KLF7: variants seen among roughly 807,000 people sequenced by gnomAD.
The protein encoded by KLF7 is Krueppel-like factor 7.
Under a neutral mutation model 27.3 loss-of-function variants are expected in KLF7, and 2 were observed. The ratio of observed to expected loss-of-function variants is 0.07; its 90% CI spans 0.03 to 0.23. The LOEUF (loss-of-function observed/expected upper bound fraction) is 0.23, where lower values mean the gene tolerates loss of function less well. KLF7 is among the 10% of genes least tolerant of loss of function. The pLI is 1.00. For missense variants in KLF7, 221 were observed against 394.1 expected (o/e 0.56, Z 3.72); for synonymous variants, 165 against 162.4 (o/e 1.02, Z -0.12).
chr2:207,120,102 A>G (rs1033481577), intron 2 of KLF7, among the ~76,000 whole-genome samples: 8 of 151,890 alleles, frequency 5.3e-5, no homozygotes, highest in Non-Finnish European at 1.2e-4. Flanking sequence ...CAGTACCCCC[A>G]TCTCTAACTT....
chr2:207,092,426 C>T (rs1342261602), intron 2 of KLF7, among the ~76,000 whole-genome samples: 1 of 152,192 alleles, frequency 6.6e-6, no homozygotes, highest in African/African-American at 2.4e-5. Context: ...TATCAAGAAC[C>T]ACTTTCTCTG....
intron 1 of KLF7, among the ~76,000 whole-genome samples, chr2:207,138,246 G>A (rs73983192): frequency 0.036 from 5,485 of 152,246 alleles, 326 homozygotes; most frequent in African/African-American, 0.12. Flanking sequence ...AGCAGCATAA[G>A]GGGGAAAATC....
intron 1 of KLF7, among the ~76,000 whole-genome samples, chr2:207,148,743 A>G (rs376273878): frequency 3.8e-4 from 58 of 152,306 alleles, no homozygotes; most frequent in African/African-American, 1.3e-3. Context: ...GATAGGGTCT[A>G]TACTTTCTAT....
At chr2:207,166,841 G>A (rs1359942769), upstream of KLF7, 3 of 1,037,848 alleles carry the variant, frequency 2.9e-6, no homozygotes, top group Non-Finnish European at 2.3e-6. Context: ...CGCCTGAGGA[G>A]GAAGTGCCAC....
intron 1 of KLF7, chr2:207,148,916 C>G (rs890291553): frequency 1.4e-6 from 1 of 735,526 alleles, no homozygotes; most frequent in African/African-American, 1.9e-5. Context: ...CACCCCTCCA[C>G]CCTCACCTGA....
At chr2:207,090,580 G>C (rs1310256068) in intron 2 of KLF7, among the ~76,000 whole-genome samples, 5 of 152,168 alleles carry the variant, frequency 3.3e-5, no homozygotes, top group Non-Finnish European at 7.3e-5. Context: ...AGGTTACTAG[G>C]AAGACAGGCC....
chr2:207,155,298 AG>A (rs200794055), intron 1 of KLF7, among the ~76,000 whole-genome samples: 4,523 of 152,342 alleles, frequency 0.03, 98 homozygotes, highest in Middle Eastern at 0.051. Context: ...TTTTTATGAC[AG>A]GAAGATTAGC....
chr2:207,130,031 T>C (rs1322107347), intron 1 of KLF7, among the ~76,000 whole-genome samples: 1 of 152,196 alleles, frequency 6.6e-6, no homozygotes, highest in African/African-American at 2.4e-5. Context: ...ATGGCTTCTG[T>C]TTAACCTGTC....
intron 1 of KLF7, among the ~76,000 whole-genome samples, chr2:207,163,883 T>TGAGA (rs1453864809): frequency 6.6e-6 from 1 of 152,208 alleles, no homozygotes; most frequent in East Asian, 1.9e-4. Flanking sequence ...AAAGATCCAG[T>TGAGA]GAGACCCTTC....
intron 1 of KLF7, among the ~76,000 whole-genome samples, chr2:207,163,915 G>A (rs1234115762): frequency 6.6e-6 from 1 of 152,226 alleles, no homozygotes; most frequent in Non-Finnish European, 1.5e-5. Flanking sequence ...TCTCGTTAAG[G>A]ATAAGGAAAA....
At position 207,165,765 on chromosome 2, in the gene KLF7, G is replaced by C; in HGVS notation, c.-197C>G. 2 of 1,434,894 alleles carry C rather than the reference G, an allele frequency of 1.4e-6. No homozygotes were observed. Among genetic ancestry groups the C allele is most frequent in the Admixed American group, 2.8e-5 (1 of 35,790 alleles). 88.9% of individuals were successfully genotyped at this position (1,434,894 alleles called of 1,614,324 possible). On this transcript the variant is annotated 5_prime_UTR_variant, in exon 1 of 4. Coordinates refer to ENST00000309446, the MANE Select transcript of KLF7 (RefSeq NM_003709.4). ...GGGAGAGAGGAGGTGAGAGAGGAGCGAGTGAGTGGGGTGGATGGAGAGAGG... is the reference window on the plus strand; with the variant it reads ...GGGAGAGAGGAGGTGAGAGAGGAGCCAGTGAGTGGGGTGGATGGAGAGAGG...
intron 2 of KLF7, among the ~76,000 whole-genome samples, chr2:207,107,694 A>T (rs970059980): frequency 2.0e-5 from 3 of 152,152 alleles, no homozygotes; most frequent in African/African-American, 7.2e-5. Context: ...CTCGTCACAG[A>T]CCGCTATCTG....
chr2:207,131,779 T>A (rs369872305), intron 1 of KLF7, among the ~76,000 whole-genome samples: 33 of 152,170 alleles, frequency 2.2e-4, no homozygotes, highest in African/African-American at 6.5e-4. Context: ...GTGGGAAGCA[T>A]GGCCAGGGAG....
At chr2:207,150,079 C>T (rs2078200806) in intron 1 of KLF7, among the ~76,000 whole-genome samples, 5 of 152,210 alleles carry the variant, frequency 3.3e-5, no homozygotes, top group Admixed American at 3.3e-4. Context: ...TCCTTCATCC[C>T]TGAATACCAC....
intron 2 of KLF7, among the ~76,000 whole-genome samples, chr2:207,108,421 T>C (rs1383311145): frequency 6.6e-6 from 1 of 152,200 alleles, no homozygotes; most frequent in Non-Finnish European, 1.5e-5. Flanking sequence ...TACAAAGATG[T>C]ACAGGAACAC....
intron 2 of KLF7, among the ~76,000 whole-genome samples, chr2:207,105,633 A>T (rs573573421): frequency 6.6e-6 from 1 of 152,300 alleles, no homozygotes; most frequent in East Asian, 1.9e-4. Flanking sequence ...GAAGAAGGGT[A>T]GAATGTGGAT....
intron 2 of KLF7, among the ~76,000 whole-genome samples, chr2:207,096,138 C>G (rs1214720153): frequency 6.6e-6 from 1 of 152,304 alleles, no homozygotes; most frequent in Admixed American, 6.5e-5. Flanking sequence ...TAGAAGCACT[C>G]TCCCAGGCTC....
chr2:207,101,867 A>C (rs764161643), intron 2 of KLF7, among the ~76,000 whole-genome samples: 15 of 152,192 alleles, frequency 9.9e-5, no homozygotes, highest in Non-Finnish European at 2.1e-4. Flanking sequence ...GTAGCTCCAC[A>C]AAACCAAATG....
At chr2:207,087,172 A>C (rs568632496) in intron 3 of KLF7, among the ~76,000 whole-genome samples, 1 of 152,318 alleles carries the variant, frequency 6.6e-6, no homozygotes, top group East Asian at 1.9e-4. Flanking sequence ...CAGAGTTCCA[A>C]GGGAATGGGA....
Sources: allele counts gnomAD v4.1 joint callset (sites outside exome capture counted in the v4.1 genomes callset), GRCh38; gene constraint gnomAD v4.1.1; transcripts MANE v1.5; gene names NCBI Gene and HGNC (gene_info 2026-07-23, HGNC 2026-07-21).